The following RASSF6 variants were observed in gnomAD, a reference collection of about 807,000 sequenced individuals.
The protein encoded by RASSF6 is Ras association domain family member 6, also known as ras association domain-containing protein 6.
In RASSF6, 52 loss-of-function variants were observed where a neutral mutation model predicts 44.0. The ratio of observed to expected loss-of-function variants is 1.18; its 90% CI spans 0.95 to 1.49. RASSF6 has a LOEUF of 1.49. Among genes scored for constraint, RASSF6 ranks in the 40% most tolerant of loss-of-function variants. The probability of loss-of-function intolerance (pLI) is 0.00; values close to 1 mark genes in which losing one functional copy is unlikely to be tolerated. For synonymous variants in RASSF6, 162 were observed against 124.6 expected (o/e 1.30, Z -2.00); for missense variants, 464 against 393.3 (o/e 1.18, Z -1.52).
rs1723134661 is a variant in RASSF6, at chr4:73,575,253, TATAA to T, written c.*978_*981del. On this transcript the variant is annotated 3_prime_UTR_variant, in exon 11 of 11. Transcript: ENST00000307439. Reference sequence around the variant, plus strand: ...TATAATTCCATTTTAATACAGAATTTATAAATAAAATCATAGTTTATACTTATAG... The same window carrying T: ...TATAATTCCATTTTAATACAGAATTTATAAAATCATAGTTTATACTTATAG... The T allele has an allele frequency of 6.6e-6, 1 of 152,200 alleles. No individual in the cohort carries two copies. The allele number at this position is 152,200 out of a possible 1,614,324, so 9.4% of individuals were successfully genotyped here.
Position 73,582,297 on chromosome 4 carries a change from A to T in RASSF6, c.568-7T>A, listed in dbSNP as rs913826343. 1 of 1,460,924 alleles carries T rather than the reference A, an allele frequency of 6.8e-7. No homozygotes were observed. The highest frequency in any genetic ancestry group is 1.7e-5 in the Admixed American group (1 of 57,654). 90.5% of individuals were successfully genotyped at this position (1,460,924 alleles called of 1,614,324 possible). A position where few individuals can be genotyped will look rare whatever the true frequency, so the allele number is the denominator to read the frequency against. On this transcript the variant is annotated splice_region_variant and splice_polypyrimidine_tract_variant and intron_variant, in intron 6 of 10. Transcript: ENST00000307439. ...CTGGAATGAAAATTGATGTCTAGAA[A>T]AAGAATTGTCACATAAGTCTTTAAA...
chr4:73,609,282 T>C, intron 2 of RASSF6, among the ~76,000 whole-genome samples: 1 of 152,190 alleles, frequency 6.6e-6, no homozygotes, highest in Non-Finnish European at 1.5e-5. Flanking sequence ...GAAAATACTT[T>C]GAAAGTAACC....
chr4:73,603,461 G>T (rs1245183141), intron 2 of RASSF6, among the ~76,000 whole-genome samples: 1 of 152,086 alleles, frequency 6.6e-6, no homozygotes, highest in Non-Finnish European at 1.5e-5. Flanking sequence ...GCCAAGGAGA[G>T]ACTGACCTTG....
rs1221560630 is a variant in RASSF6, at chr4:73,578,642, T to TC, written c.722-1912_722-1911insG. Among the ~76,000 whole-genome samples the TC allele has an allele frequency of 4.6e-5, 7 of 151,524 alleles. 1 individual carries two copies. The South Asian group carries it at 8.3e-4, about 18-fold the overall frequency. Reference sequence around the variant, plus strand: ...TTTAAACAAATCATTTTTTCTCTTTTTTTTTTTTTTAGACGGAGTGCAATG... The same window carrying TC: ...TTTAAACAAATCATTTTTTCTCTTTTCTTTTTTTTTTAGACGGAGTGCAATG... On this transcript the variant is annotated intron_variant, in intron 8 of 10. Coordinates refer to ENST00000307439, the MANE Select transcript of RASSF6 (RefSeq NM_177532.5).
At chr4:73,601,219 A>G (rs1355269352) in intron 2 of RASSF6, among the ~76,000 whole-genome samples, 2 of 152,214 alleles carry the variant, frequency 1.3e-5, no homozygotes, top group African/African-American at 4.8e-5. Flanking sequence ...TAAGTCTACA[A>G]ATGACATAAG....
chr4:73,604,159 A>G (rs1337474049), intron 2 of RASSF6: 1 of 152,180 alleles, frequency 6.6e-6, no homozygotes, highest in Non-Finnish European at 1.5e-5. Context: ...AAAAATGTTC[A>G]TGGTTCCAAT....
chr4:73,576,176 C>G lies in RASSF6; in HGVS notation c.*59G>C. 1.1e-6 allele frequency: 1 copy of G among 901,110 alleles called. No homozygotes were observed. Among genetic ancestry groups the G allele is most frequent in the Non-Finnish European group, 1.8e-6 (1 of 571,238 alleles). 55.8% of individuals were successfully genotyped at this position (901,110 alleles called of 1,614,324 possible). A position where few individuals can be genotyped will look rare whatever the true frequency, so the allele number is the denominator to read the frequency against. On this transcript the variant is annotated 3_prime_UTR_variant, in exon 11 of 11. Transcript: ENST00000307439. ...AATGCAAGTACAGAACTTATGCATT[C>G]ATCAAAGAGTAATATCTCTGAGTTT...
intron 4 of RASSF6, among the ~76,000 whole-genome samples, chr4:73,588,741 C>G (rs1724292476): frequency 1.3e-5 from 2 of 151,410 alleles, no homozygotes; most frequent in South Asian, 4.2e-4. Flanking sequence ...AGTAAGCATT[C>G]AATATAGATT....
chr4:73,591,316 T>A (rs1724537987), intron 4 of RASSF6, among the ~76,000 whole-genome samples: 1 of 152,202 alleles, frequency 6.6e-6, no homozygotes, highest in Non-Finnish European at 1.5e-5. Flanking sequence ...GGTAAAGCCA[T>A]ACAAAATAAT....
rs900772091 is a variant in RASSF6, at chr4:73,574,705, CTT to C, written c.*1528_*1529del. On this transcript the variant is annotated 3_prime_UTR_variant, in exon 11 of 11. Transcript: ENST00000307439. ...ACAGTTGTTCACTGTTAAGATACGA[CTT>C]TTTTCATATACTTAGTGGCCATTTG... 1 of 152,050 alleles carries C rather than the reference CTT, an allele frequency of 6.6e-6. No individual in the cohort carries two copies. The highest frequency in any genetic ancestry group is 2.4e-5 in the African/African-American group (1 of 41,388). 9.4% of individuals were successfully genotyped at this position (152,050 alleles called of 1,614,324 possible).
At position 73,573,029 on chromosome 4, in the gene RASSF6, T is replaced by C. The variant is rs1219460790; in HGVS notation, c.*3206A>G. ...ATTTTGGAACATGTGTATGTGTATA[T>C]TCTTATTTAGATATATAAGAATTTA... On this transcript the variant is annotated 3_prime_UTR_variant, in exon 11 of 11. Coordinates refer to ENST00000307439, the MANE Select transcript of RASSF6 (RefSeq NM_177532.5). The C allele has an allele frequency of 6.6e-6, 1 of 152,152 alleles. No homozygotes were observed. Among genetic ancestry groups the C allele is most frequent in the Non-Finnish European group, 1.5e-5 (1 of 68,010 alleles). The allele number at this position is 152,152 out of a possible 1,614,324, so 9.4% of individuals were successfully genotyped here. A position where few individuals can be genotyped will look rare whatever the true frequency, so the allele number is the denominator to read the frequency against.
At chr4:73,587,961 C>T (rs151241848) in intron 4 of RASSF6, 27 bp from the exon 5 acceptor site, 2 of 1,424,878 alleles carry the variant, frequency 1.4e-6, no homozygotes, top group African/African-American at 1.4e-5. Flanking sequence ...CTTGTAAGTA[C>T]ATCAGTTCCA....
At chr4:73,587,780 A>T in intron 5 of RASSF6, 60 bp downstream of exon 5, 1 of 980,200 alleles carries the variant, frequency 1.0e-6, no homozygotes, top group Non-Finnish European at 1.6e-6. Context: ...AAACATATGG[A>T]GTCATACTTT....
At chr4:73,614,381 A>G (rs536046905) in intron 1 of RASSF6, among the ~76,000 whole-genome samples, 30 of 152,342 alleles carry the variant, frequency 2.0e-4, no homozygotes, top group African/African-American at 7.0e-4. Context: ...TGATTAGTTC[A>G]TGATGGTGGA....
chr4:73,587,899 C>A lies in RASSF6; in HGVS notation c.323G>T (p.Arg108Leu), dbSNP rs199524298. ...TRWGEFDDLY[R>L]ISELDRTQIP... ...CTGGGTCCTGTCCAGCTCACTAATA[C>A]GATAGAGATCGTCAAATTCCCCCCA... is the stretch of plus-strand genomic sequence containing the variant. Residue 108 changes from arginine to leucine, a missense_variant, in exon 5 of 11, where the codon CGT becomes CTT. Transcript: ENST00000307439. The A allele has an allele frequency of 6.2e-7, 1 of 1,609,808 alleles. No homozygotes were observed. Among genetic ancestry groups the A allele is most frequent in the African/African-American group, 1.3e-5 (1 of 74,842 alleles).
Position 73,575,522 on chromosome 4 carries a change from AT to A in RASSF6, c.*712del, listed in dbSNP as rs1253453153. 1 of 152,178 alleles carries A rather than the reference AT, an allele frequency of 6.6e-6. No individual in the cohort carries two copies. The highest frequency in any genetic ancestry group is 1.9e-4 in the East Asian group (1 of 5,204). 9.4% of individuals were successfully genotyped at this position (152,178 alleles called of 1,614,324 possible). On this transcript the variant is annotated 3_prime_UTR_variant, in exon 11 of 11. Transcript: ENST00000307439. ...TGTGATATAAACATTTTTTTGAAAA[AT>A]AAATAAAGAAAAAGTTCAATTAACT...
chr4:73,581,519 A>C (rs1202979266), intron 8 of RASSF6, among the ~76,000 whole-genome samples: 1 of 152,214 alleles, frequency 6.6e-6, no homozygotes, highest in Non-Finnish European at 1.5e-5. Flanking sequence ...AGAGGTGAGC[A>C]AAGACAAAAG....
intron 2 of RASSF6, chr4:73,604,612 A>G (rs1725499213): frequency 6.6e-6 from 1 of 152,230 alleles, no homozygotes; most frequent in Admixed American, 6.5e-5. Flanking sequence ...GATAGTGCTA[A>G]TTAGTTCTCT....
intron 5 of RASSF6, among the ~76,000 whole-genome samples, chr4:73,586,010 C>T (rs1392793323): frequency 1.8e-5 from 2 of 113,668 alleles, no homozygotes; most frequent in Non-Finnish European, 3.4e-5. Flanking sequence ...TATGTTGGCC[C>T]AAGTTCTTTG....
Sources: gnomAD v4.1 joint callset for allele counts (sites outside exome capture counted in the v4.1 genomes callset) on GRCh38, gnomAD v4.1.1 for gene constraint, MANE v1.5 for transcripts, NCBI Gene and HGNC (gene_info 2026-07-23, HGNC 2026-07-21) for gene names.